NLGN1: variants seen among roughly 807,000 people sequenced by gnomAD.
NLGN1 encodes neuroligin 1, also known as neuroligin-1.
NLGN1 carries 12 observed loss-of-function variants against 65.5 expected under a neutral mutation model. That is an observed-to-expected ratio of 0.18 (90% CI 0.12 to 0.30). The LOEUF (loss-of-function observed/expected upper bound fraction) is 0.30. NLGN1 is among the 10% of genes least tolerant of loss of function. NLGN1 has a pLI of 1.00. For synonymous variants in NLGN1, 350 were observed against 359.5 expected, an observed-to-expected ratio of 0.97 and a Z score of 0.30; for missense variants, 750 against 1,007.1, an observed-to-expected ratio of 0.74 and a Z score of 3.46.
intron 3 of NLGN1, among the ~76,000 whole-genome samples, chr3:173,639,063 T>A (rs1183641319): frequency 1.3e-5 from 2 of 152,170 alleles, no homozygotes; most frequent in Non-Finnish European, 2.9e-5. Flanking sequence ...GTGAGGAAGT[T>A]GTACTGTTGG....
chr3:173,553,802 TAACAGAAGGGCTCTTAG>T (rs1331842565), intron 2 of NLGN1, among the ~76,000 whole-genome samples: 1 of 151,956 alleles, frequency 6.6e-6, no homozygotes, highest in African/African-American at 2.4e-5. Flanking sequence ...AAAAGCCGAC[TAACAGAAGGGCTCTTAG>T]CTATTTTGTG....
chr3:173,728,914 G>A (rs1772316549), intron 3 of NLGN1, among the ~76,000 whole-genome samples: 1 of 152,034 alleles, frequency 6.6e-6, no homozygotes, highest in African/African-American at 2.4e-5. Flanking sequence ...AAGCCACCGA[G>A]TTTGTGGTAA....
chr3:174,218,605 T>A (rs10212426), intron 4 of NLGN1, among the ~76,000 whole-genome samples: 16,015 of 152,030 alleles, frequency 0.11, 1,902 homozygotes, highest in African/African-American at 0.29. Flanking sequence ...CAAGGAATCC[T>A]CTTCTTTGGG....
intron 4 of NLGN1, among the ~76,000 whole-genome samples, chr3:174,242,441 G>T (rs1743056741): frequency 6.6e-6 from 1 of 152,080 alleles, no homozygotes; most frequent in East Asian, 1.9e-4. Context: ...TTAGCTGCAG[G>T]CAAGCAAATG....
At chr3:173,535,276 C>T (rs1737243941) in intron 2 of NLGN1, among the ~76,000 whole-genome samples, 1 of 152,096 alleles carries the variant, frequency 6.6e-6, no homozygotes, top group Non-Finnish European at 1.5e-5. Context: ...ATATAGTGTT[C>T]CTAATATGGA....
chr3:174,255,079 A>G (rs943868857), intron 4 of NLGN1, among the ~76,000 whole-genome samples: 2 of 152,030 alleles, frequency 1.3e-5, no homozygotes, highest in Admixed American at 1.3e-4. Flanking sequence ...GAACGTCTAG[A>G]TTAAACTGGG....
chr3:174,252,919 T>A (rs1160637321), intron 4 of NLGN1, among the ~76,000 whole-genome samples: 1 of 152,166 alleles, frequency 6.6e-6, no homozygotes, highest in Non-Finnish European at 1.5e-5. Flanking sequence ...ATTGAGTAAC[T>A]AGCAGAGTGT....
At chr3:174,116,254 A>C (rs769723548) in intron 4 of NLGN1, among the ~76,000 whole-genome samples, 4 of 150,802 alleles carry the variant, frequency 2.7e-5, no homozygotes, top group Non-Finnish European at 5.9e-5. Flanking sequence ...CAACATCACT[A>C]TCATCTTACA....
intron 4 of NLGN1, among the ~76,000 whole-genome samples, chr3:173,924,694 C>T (rs1209718612): frequency 6.6e-6 from 1 of 151,640 alleles, no homozygotes. Context: ...ATTTTTATAA[C>T]ATGCCAATAT....
intron 3 of NLGN1, among the ~76,000 whole-genome samples, chr3:173,694,841 G>A (rs1435187108): frequency 6.6e-6 from 1 of 152,080 alleles, no homozygotes; most frequent in East Asian, 1.9e-4. Flanking sequence ...CACAACCACA[G>A]CAAACAATAT....
chr3:173,800,346 G>A (rs1351370763), intron 3 of NLGN1: 8 of 1,206,518 alleles, frequency 6.6e-6, no homozygotes, highest in Non-Finnish European at 1.1e-6. Context: ...CGGTGCTGAA[G>A]ATGAAGGTAT....
In NLGN1 at chr3:173,679,420, C is replaced by T. The variant is rs1341946542; in HGVS notation, c.493+74329C>T. On this transcript the variant is annotated intron_variant, in intron 3 of 6. Coordinates refer to ENST00000457714, the Ensembl canonical transcript of NLGN1. ...TGAGTCATGTGGTAGTCTACAGATT[C>T]GGGTTATATGAATGGGTTGCTGAAG... is the stretch of plus-strand genomic sequence containing the variant. Among the ~76,000 whole-genome samples, 6 of 151,894 alleles carry T rather than the reference C, an allele frequency of 4.0e-5. No individual in the cohort carries two copies. The South Asian group carries it at 6.2e-4, about 16-fold the overall frequency.
At chr3:173,480,862 A>C (rs912388853) in intron 2 of NLGN1, among the ~76,000 whole-genome samples, 1 of 152,116 alleles carries the variant, frequency 6.6e-6, no homozygotes, top group African/African-American at 2.4e-5. Flanking sequence ...CAGAAGAAGT[A>C]AAGTAAGATC....
chr3:173,646,669 TG>T (rs1758324552), intron 3 of NLGN1, among the ~76,000 whole-genome samples: 1 of 151,812 alleles, frequency 6.6e-6, no homozygotes, highest in Non-Finnish European at 1.5e-5. Flanking sequence ...CCTAAATCAA[TG>T]ACTAAAATAT....
chr3:173,638,377 CATT>C (rs1756917812), intron 3 of NLGN1, among the ~76,000 whole-genome samples: 1 of 115,738 alleles, frequency 8.6e-6, no homozygotes, highest in South Asian at 3.0e-4. Flanking sequence ...CTGCAAAAAT[CATT>C]ATAAAATGAA....
intron 2 of NLGN1, among the ~76,000 whole-genome samples, chr3:173,521,041 A>G (rs1463474088): frequency 6.6e-6 from 1 of 152,194 alleles, no homozygotes; most frequent in Non-Finnish European, 1.5e-5. Flanking sequence ...ATGGGCATTT[A>G]TCACAGACAG....
At chr3:173,903,680 G>T (rs2152191254) in intron 4 of NLGN1, among the ~76,000 whole-genome samples, 1 of 152,162 alleles carries the variant, frequency 6.6e-6, no homozygotes, top group South Asian at 2.1e-4. Flanking sequence ...AGAAGAGAGG[G>T]TAGGAAGGTA....
intron 2 of NLGN1, among the ~76,000 whole-genome samples, chr3:173,521,753 A>G (rs1157341446): frequency 1.3e-5 from 2 of 152,188 alleles, no homozygotes; most frequent in Non-Finnish European, 2.9e-5. Flanking sequence ...AACACTTTAC[A>G]TACTCGTTTA....
At chr3:174,011,244 C>T (rs1405701192) in intron 4 of NLGN1, among the ~76,000 whole-genome samples, 2 of 152,174 alleles carry the variant, frequency 1.3e-5, no homozygotes, top group Non-Finnish European at 2.9e-5. Flanking sequence ...CACACAATTA[C>T]TGCCCTGACA....
Sources: gnomAD v4.1 joint callset for allele counts (sites outside exome capture counted in the v4.1 genomes callset) on GRCh38, gnomAD v4.1.1 for gene constraint, MANE v1.5 for transcripts, NCBI Gene and HGNC (gene_info 2026-07-23, HGNC 2026-07-21) for gene names.